Variants in DST observed in about 807,000 individuals in gnomAD.
DST encodes dystonin.
Under a neutral mutation model 875.2 loss-of-function variants are expected in DST, and 253 were observed. The ratio of observed to expected loss-of-function variants is 0.29; its 90% confidence interval spans 0.26 to 0.32. The LOEUF is 0.32. Ranked by LOEUF, DST falls within the 10% of genes least tolerant of loss-of-function variation. The probability of loss-of-function intolerance (pLI) is 1.00; values close to 1 mark genes in which losing one functional copy is unlikely to be tolerated. For synonymous variants in DST, 3,124 were observed against 3,197.1 expected (o/e 0.98, Z 0.77); for missense variants, 8,287 against 9,111.6 (o/e 0.91, Z 3.68).
chr6:56,486,832 G>GA (rs1455607616), intron 87 of DST, among the ~76,000 whole-genome samples: 2 of 152,164 alleles, frequency 1.3e-5, no homozygotes, highest in Non-Finnish European at 2.9e-5. Context: ...GTGGACATGG[G>GA]AAGACGAGTC....
At chr6:56,578,755 A>G in intron 50 of DST, 59 bp downstream of exon 50, 3 of 1,576,146 alleles carry the variant, frequency 1.9e-6, no homozygotes, top group Non-Finnish European at 2.6e-6. Flanking sequence ...CATATCTATT[A>G]GGACACCTTT....
At chr6:56,954,267 A>T in intron 1 of DST, 140 bp downstream of exon 1, 1 of 523,722 alleles carries the variant, frequency 1.9e-6, no homozygotes, top group Non-Finnish European at 3.1e-6. Context: ...AAGGGGCGTT[A>T]AAGAAACGCA....
intron 57 of DST, among the ~76,000 whole-genome samples, chr6:56,560,697 A>T (rs2152565920): frequency 6.6e-6 from 1 of 152,254 alleles, no homozygotes; most frequent in East Asian, 1.9e-4. Flanking sequence ...CATATATTCA[A>T]ACAAGCCACT....
At chr6:56,691,433 C>A (rs1252533688) in intron 9 of DST, among the ~76,000 whole-genome samples, 1 of 152,108 alleles carries the variant, frequency 6.6e-6, no homozygotes, top group Non-Finnish European at 1.5e-5. Flanking sequence ...GCACACTAAC[C>A]CTCATAAAAC....
chr6:56,527,618 T>C lies in DST; in HGVS notation c.17797A>G (p.Arg5933Gly). 1 of 1,613,860 alleles carries C rather than the reference T, an allele frequency of 6.2e-7. No individual in the cohort carries two copies. Among genetic ancestry groups the C allele is most frequent in the Non-Finnish European group, 8.5e-7 (1 of 1,179,842 alleles). Residue 5933 changes from arginine (R) to glycine (G), a missense_variant, in exon 68 of 104, where the codon AGG becomes GGG. Arg to Gly is a moderately radical substitution (Grantham distance 125, BLOSUM62 -2). This residue lies in a region of DST where 777 missense variants were observed against 764.8 expected (regional missense o/e 1.02). Transcript: ENST00000680361. ...TCTTCGTGTGTGGAGTGCAGCCGCC[T>C]TGCAAGCTGCAGCGCCTGTTCCAGA... ...KTLEQALQLA[R>G]RLHSTHEELC... is the part of the protein sequence containing the mutation.
intron 9 of DST, among the ~76,000 whole-genome samples, chr6:56,693,868 T>C (rs1048221183): frequency 6.6e-6 from 1 of 151,838 alleles, no homozygotes. Context: ...TCTAATAAAA[T>C]TGTTTCTAAA....
chr6:56,615,345 T>C, intron 36 of DST: 1 of 1,458,136 alleles, frequency 6.9e-7, no homozygotes, highest in Non-Finnish European at 9.0e-7. Flanking sequence ...TCTTATGTAA[T>C]TTTCAATTTA....
chr6:56,614,784 T>A lies in DST; in HGVS notation c.4930-300A>T, dbSNP rs75951731. ...ACTTTATTCATGAGGCACTAGAAGATCTTTGAATTGCTGCCTTTGCATTAG... is the reference window on the plus strand; with the variant it reads ...ACTTTATTCATGAGGCACTAGAAGAACTTTGAATTGCTGCCTTTGCATTAG... On this transcript the variant is annotated intron_variant, in intron 36 of 103. Coordinates refer to ENST00000680361, the MANE Select transcript of DST (RefSeq NM_001374736.1). 2.1e-3 allele frequency: 2,122 copies of A among 1,026,792 alleles called. 24 individuals are homozygous for A. In the African/African-American group the frequency reaches 0.027, roughly 13 times the overall value. 63.6% of individuals were successfully genotyped at this position (1,026,792 alleles called of 1,614,324 possible). A position where few individuals can be genotyped will look rare whatever the true frequency, so the allele number is the denominator to read the frequency against.
intron 10 of DST, among the ~76,000 whole-genome samples, chr6:56,653,135 T>A (rs1420676106): frequency 6.6e-6 from 1 of 152,186 alleles, no homozygotes; most frequent in Non-Finnish European, 1.5e-5. Context: ...CACTGAGTAA[T>A]CCTAGAGGGA....
chr6:56,608,893 T>C lies in DST; in HGVS notation c.5735A>G (p.Glu1912Gly). 6.2e-7 allele frequency: 1 copy of C among 1,613,764 alleles called. No homozygotes were observed. The highest frequency in any genetic ancestry group is 2.2e-5 in the East Asian group (1 of 44,868). The change falls in exon 40 of 104, where the codon GAA becomes GGA. Residue 1912 changes from glutamate (E) to glycine (G), a missense_variant. By Grantham distance (98) the Glu-to-Gly change is moderately conservative. Coordinates refer to ENST00000680361, the MANE Select transcript of DST (RefSeq NM_001374736.1). ...VSSALFSKVL[E>G]RQNMCKDLID... ...AAGATCTTTGCACATATTTTGCCTTTCCAGAACTTTAGAAAATAATGCTGA... is the reference window on the plus strand; with the variant it reads ...AAGATCTTTGCACATATTTTGCCTTCCCAGAACTTTAGAAAATAATGCTGA...
rs772384020 is a variant in DST, at chr6:56,552,870, T to C, written c.15922A>G (p.Ser5308Gly). The C allele has an allele frequency of 6.2e-7, 1 of 1,613,946 alleles. No individual in the cohort carries two copies. Among genetic ancestry groups the C allele is most frequent in the Middle Eastern group, 1.6e-4 (1 of 6,062 alleles). The change falls in exon 61 of 104, where the codon AGT becomes GGT. Residue 5308 changes from serine to glycine, a missense_variant. This residue lies in a region of DST where 1,513 missense variants were observed against 1,677.8 expected (regional missense o/e 0.90). Transcript: ENST00000680361. ...TGCAACATGGTCAGGTATTTGTTAC[T>C]GTAAGCCTGGGATCCCAGCGAATCA... ...IHDSLGSQAY[S>G]NKYLTMLQTQ...
In DST at chr6:56,847,401, C is replaced by T. The variant is rs550076267; in HGVS notation, c.625+3996G>A. Among the ~76,000 whole-genome samples, 3 of 152,298 alleles carry T rather than the reference C, an allele frequency of 2.0e-5. 1 individual carries two copies. The highest frequency in any genetic ancestry group is 2.1e-4 in the South Asian group (1 of 4,818). On this transcript the variant is annotated intron_variant, in intron 4 of 103. Transcript: ENST00000680361. Reference sequence around the variant, plus strand: ...CCTTCACTAATATGACTTTCCAAACCGTAAACCTGATTATGCCATTCCATT... The same window carrying T: ...CCTTCACTAATATGACTTTCCAAACTGTAAACCTGATTATGCCATTCCATT...
At chr6:56,566,459 C>G (rs1585078741) in intron 55 of DST, among the ~76,000 whole-genome samples, 1 of 152,282 alleles carries the variant, frequency 6.6e-6, no homozygotes, top group African/African-American at 2.4e-5. Context: ...GGGAAGTTTT[C>G]CGACCCCTTG....
At chr6:56,775,263 C>T (rs2099676563) in intron 4 of DST, among the ~76,000 whole-genome samples, 1 of 152,170 alleles carries the variant, frequency 6.6e-6, no homozygotes, top group African/African-American at 2.4e-5. Flanking sequence ...ACAACCCTAA[C>T]AGTCTCCGTT....
rs2099386740 is a variant in DST, at chr6:56,714,007, A to G, written c.688-9638T>C. ...TGATCAAGACAACTGACAAAAGGAGAGGAACACTAAAACTATTTTTAAAGA... is the reference window on the plus strand; with the variant it reads ...TGATCAAGACAACTGACAAAAGGAGGGGAACACTAAAACTATTTTTAAAGA... On this transcript the variant is annotated intron_variant, in intron 5 of 103. Transcript: ENST00000680361. The surrounding 1 kb of genome is among the most constrained non-coding windows in gnomAD (Gnocchi z 4.5). Among the ~76,000 whole-genome samples, 1 of 152,180 alleles carries G rather than the reference A, an allele frequency of 6.6e-6. No individual in the cohort carries two copies. Among genetic ancestry groups the G allele is most frequent in the African/African-American group, 2.4e-5 (1 of 41,452 alleles).
At chr6:56,780,247 G>C (rs2099690144) in intron 4 of DST, among the ~76,000 whole-genome samples, 2 of 151,880 alleles carry the variant, frequency 1.3e-5, no homozygotes, top group Admixed American at 6.6e-5. Flanking sequence ...ACCCAGAAAT[G>C]GGATGGCTGG....
chr6:56,711,858 G>A (rs1208010820), intron 5 of DST, among the ~76,000 whole-genome samples: 2 of 151,934 alleles, frequency 1.3e-5, no homozygotes, highest in African/African-American at 4.8e-5. Context: ...TTGGGAGGCC[G>A]AGGCGGGCGG....
intron 4 of DST, among the ~76,000 whole-genome samples, chr6:56,760,010 T>C (rs1334695972): frequency 6.6e-6 from 1 of 152,204 alleles, no homozygotes; most frequent in Non-Finnish European, 1.5e-5. Context: ...GATTTCTATC[T>C]CCTTATACCC....
intron 4 of DST, among the ~76,000 whole-genome samples, chr6:56,800,395 T>C (rs920066315): frequency 3.9e-5 from 6 of 152,226 alleles, no homozygotes; most frequent in African/African-American, 1.4e-4. Flanking sequence ...ATAGTAATAA[T>C]TGCCCAACTA....
Sources: allele counts gnomAD v4.1 joint callset (sites outside exome capture counted in the v4.1 genomes callset), GRCh38; gene constraint gnomAD v4.1.1; regional missense constraint gnomAD v4.1.1; non-coding constraint Gnocchi (gnomAD v3.1); transcripts MANE v1.5; gene names NCBI Gene and HGNC (gene_info 2026-07-23, HGNC 2026-07-21).